RIMKLB: variants seen among roughly 807,000 people sequenced by gnomAD.
RIMKLB encodes the protein beta-citrylglutamate synthase B.
RIMKLB carries 7 observed loss-of-function variants against 32.0 expected under a neutral mutation model. That is an observed-to-expected ratio of 0.22 (90% CI 0.12 to 0.41). RIMKLB has a LOEUF of 0.41. RIMKLB is among the 10% of genes least tolerant of loss of function. The pLI, the probability that RIMKLB is intolerant of heterozygous loss-of-function variation, is 1.00. For synonymous variants in RIMKLB, 172 were observed against 185.1 expected (o/e 0.93, Z 0.57); for missense variants, 289 against 498.7 (o/e 0.58, Z 4.00).
chr12:8,723,803 C>CTTTT (rs1565578880), intron 2 of RIMKLB, among the ~76,000 whole-genome samples: 2 of 105,722 alleles, frequency 1.9e-5, no homozygotes, highest in African/African-American at 3.4e-5. Context: ...TCTTCAGTTC[C>CTTTT]CTTTTTTTTT....
Position 8,749,893 on chromosome 12 carries a change from C to G in RIMKLB, c.207C>G (p.Ala69=). Residue 69 remains alanine (A), a synonymous_variant, in exon 3 of 6, where the codon GCC becomes GCG. Transcript: ENST00000535829. The stretch of plus-strand genomic sequence containing the variant: ...GGATCAATGGAGAGCTAATCACTGC[C>G]TACCCACAAGTGGTGGTAGTCAGAG... ...GLRINGELIT[A]YPQVVVVRVP... The G allele has an allele frequency of 6.2e-7, 1 of 1,610,326 alleles. No homozygotes were observed. The highest frequency in any genetic ancestry group is 8.5e-7 in the Non-Finnish European group (1 of 1,176,846).
chr12:8,777,632 A>C, downstream of RIMKLB: 1 of 1,289,322 alleles, frequency 7.8e-7, no homozygotes, highest in Admixed American at 2.3e-5. Flanking sequence ...AAACAAAAAA[A>C]TACCCAGAGA....
chr12:8,760,385 A>G (rs1009111025), intron 5 of RIMKLB, among the ~76,000 whole-genome samples: 10 of 152,212 alleles, frequency 6.6e-5, no homozygotes, highest in Non-Finnish European at 1.3e-4. Flanking sequence ...GCTATTGTGA[A>G]TAGTGCCACA....
At chr12:8,758,070 TA>T (rs1049046714) in intron 5 of RIMKLB, among the ~76,000 whole-genome samples, 2 of 152,136 alleles carry the variant, frequency 1.3e-5, no homozygotes, top group African/African-American at 4.8e-5. Context: ...GAGCTGGGAT[TA>T]CAGGCGTGAG....
intron 1 of RIMKLB, among the ~76,000 whole-genome samples, chr12:8,702,174 C>T (rs1358283900): frequency 6.6e-6 from 1 of 152,188 alleles, no homozygotes; most frequent in Non-Finnish European, 1.5e-5. Flanking sequence ...GCATTTCCCA[C>T]TGGGGATAAC....
chr12:8,718,574 T>C (rs1340155739), intron 2 of RIMKLB, among the ~76,000 whole-genome samples: 2 of 151,296 alleles, frequency 1.3e-5, no homozygotes, highest in Non-Finnish European at 2.9e-5. Flanking sequence ...ACCCCGGAGG[T>C]GGAGGTTGCA....
chr12:8,759,653 G>A (rs757748030), intron 5 of RIMKLB, among the ~76,000 whole-genome samples: 1 of 152,068 alleles, frequency 6.6e-6, no homozygotes, highest in South Asian at 2.1e-4. Context: ...TCTGACCAAC[G>A]ACTACTAAAT....
At chr12:8,742,649 G>T in intron 2 of RIMKLB, 1 of 248,174 alleles carries the variant, frequency 4.0e-6, no homozygotes, top group South Asian at 4.9e-5. Context: ...AAACTGTATT[G>T]ATGTCAGTGA....
Position 8,775,591 on chromosome 12 carries a change from CAAT to C in RIMKLB, c.*1813_*1815del. On this transcript the variant is annotated 3_prime_UTR_variant, in exon 6 of 6. Coordinates refer to ENST00000535829, the MANE Select transcript of RIMKLB (RefSeq NM_001297776.2). Reference sequence around the variant, plus strand: ...GGACACTACTAGAGAGACTTCGAGGCAATAATAAAAGATCAGTATTAACCAGCT... The same window carrying C: ...GGACACTACTAGAGAGACTTCGAGGCAATAAAAGATCAGTATTAACCAGCT... 1 of 985,574 alleles carries C rather than the reference CAAT, an allele frequency of 1.0e-6. No homozygotes were observed. Among genetic ancestry groups the C allele is most frequent in the Non-Finnish European group, 1.2e-6 (1 of 829,740 alleles). The allele number at this position is 985,574 out of a possible 1,614,324, so 61.1% of individuals were successfully genotyped here.
intron 2 of RIMKLB, among the ~76,000 whole-genome samples, chr12:8,727,889 A>C (rs1218654755): frequency 7.2e-6 from 1 of 139,482 alleles, no homozygotes; most frequent in Admixed American, 7.3e-5. Flanking sequence ...CAACGGAGTG[A>C]GACATTGTCT....
At chr12:8,761,770 G>C (rs1337364592) in intron 5 of RIMKLB, among the ~76,000 whole-genome samples, 1 of 152,132 alleles carries the variant, frequency 6.6e-6, no homozygotes, top group Non-Finnish European at 1.5e-5. Context: ...GAAAACCCAA[G>C]TGCTGTTGGG....
At chr12:8,697,877 G>C (rs1942975987), upstream of RIMKLB, 1 of 146,578 alleles carries the variant, frequency 6.8e-6, no homozygotes, top group Admixed American at 6.8e-5. Flanking sequence ...AGGAGGGCGG[G>C]GCCGGGGCGC....
chr12:8,688,092 C>A (rs1942631765), intron 1 of RIMKLB, among the ~76,000 whole-genome samples: 1 of 152,218 alleles, frequency 6.6e-6, no homozygotes, highest in African/African-American at 2.4e-5. Context: ...TGTGAGCTGA[C>A]TGCAGAGGCC....
chr12:8,709,711 G>T (rs751496612), intron 1 of RIMKLB, among the ~76,000 whole-genome samples: 2 of 152,104 alleles, frequency 1.3e-5, no homozygotes, highest in East Asian at 1.9e-4. Context: ...TTTCAGTTAC[G>T]CCCTGACACA....
rs1032915140 is a variant in RIMKLB at position 8,740,098 on chromosome 12, G to T, written c.176-9764G>T. On this transcript the variant is annotated intron_variant, in intron 2 of 5. Coordinates refer to ENST00000535829, the MANE Select transcript of RIMKLB (RefSeq NM_001297776.2). Reference sequence around the variant, plus strand: ...TTTTTATATTTTTAGTAGAGGCAGGGTTTCACCATGTTGGCCAGGCTGGTC... The same window carrying T: ...TTTTTATATTTTTAGTAGAGGCAGGTTTTCACCATGTTGGCCAGGCTGGTC... Among the ~76,000 whole-genome samples, 3 of 151,832 alleles carry T rather than the reference G, an allele frequency of 2.0e-5. No homozygotes were observed. In the East Asian group the frequency reaches 5.8e-4, roughly 29 times the overall value.
At chr12:8,735,251 A>C (rs961814019) in intron 2 of RIMKLB, among the ~76,000 whole-genome samples, 1 of 151,696 alleles carries the variant, frequency 6.6e-6, no homozygotes. Flanking sequence ...TCTTTTTTAC[A>C]TGGATCCTTG....
chr12:8,736,052 G>A (rs1015739495), intron 2 of RIMKLB, among the ~76,000 whole-genome samples: 3 of 152,104 alleles, frequency 2.0e-5, no homozygotes, highest in Admixed American at 2.0e-4. Flanking sequence ...TTTATTGTCT[G>A]TATTAATCTC....
the RIMKLB span, among the ~76,000 whole-genome samples, chr12:8,675,486 C>G: frequency 6.6e-6 from 1 of 152,162 alleles, no homozygotes; most frequent in Non-Finnish European, 1.5e-5. Flanking sequence ...TCTTCATTTA[C>G]CATCTATTGG....
intron 2 of RIMKLB, among the ~76,000 whole-genome samples, chr12:8,715,354 T>C (rs1310063398): frequency 2.0e-5 from 3 of 151,614 alleles, no homozygotes; most frequent in Non-Finnish European, 2.9e-5. Context: ...GCCTCCTGAG[T>C]AGCTGGGATT....
Sources: gnomAD v4.1 joint callset for allele counts (sites outside exome capture counted in the v4.1 genomes callset) on GRCh38, gnomAD v4.1.1 for gene constraint, MANE v1.5 for transcripts, NCBI Gene and HGNC (gene_info 2026-07-23, HGNC 2026-07-21) for gene names.